Variants in SMYD2 observed in about 807,000 individuals in gnomAD.
The protein encoded by SMYD2 is N-lysine methyltransferase SMYD2.
SMYD2 carries 53 observed loss-of-function variants against 59.1 expected under a neutral mutation model. That is an observed-to-expected ratio of 0.90 (90% confidence interval 0.72 to 1.13). The LOEUF (loss-of-function observed/expected upper bound fraction) is 1.13, where lower values mean the gene tolerates loss of function less well. SMYD2 is among the 50% of genes most tolerant of loss of function. SMYD2 has a pLI of 0.00. For synonymous variants in SMYD2, 208 were observed against 198.8 expected (o/e 1.05, Z -0.39); for missense variants, 494 against 544.7 (o/e 0.91, Z 0.93).
intron 1 of SMYD2, among the ~76,000 whole-genome samples, chr1:214,296,648 T>C (rs1466756074): frequency 6.6e-6 from 1 of 152,230 alleles, no homozygotes; most frequent in Non-Finnish European, 1.5e-5. Flanking sequence ...CATTTTCTCA[T>C]TTAACTTTCA....
At position 214,281,440 on chromosome 1, in the gene SMYD2, C is replaced by T; in HGVS notation, c.173+13C>T. 1.4e-6 allele frequency: 2 copies of T among 1,383,980 alleles called. No homozygotes were observed. The highest frequency in any genetic ancestry group is 1.9e-5 in the South Asian group (1 of 53,168). 85.7% of individuals were successfully genotyped at this position (1,383,980 alleles called of 1,614,324 possible). ...ACTGCTTCACCAGGTAGGGCGGCGG[C>T]GGCGGCGGCGGCGGGCGGGAGCCGG... On this transcript the variant is annotated intron_variant, in intron 1 of 11. Transcript: ENST00000366957.
At chr1:214,319,933 C>A (rs1297086894) in intron 5 of SMYD2, among the ~76,000 whole-genome samples, 1 of 152,208 alleles carries the variant, frequency 6.6e-6, no homozygotes, top group Non-Finnish European at 1.5e-5. Flanking sequence ...GTACCCTTTG[C>A]CCAGTAACTC....
At chr1:214,316,367 G>C (rs918464002) in intron 3 of SMYD2, among the ~76,000 whole-genome samples, 17 of 152,108 alleles carry the variant, frequency 1.1e-4, no homozygotes, top group African/African-American at 3.9e-4. Flanking sequence ...TGTGGTCCCA[G>C]CTATTCTGGA....
At chr1:214,335,790 G>A (rs185276631) in intron 11 of SMYD2, among the ~76,000 whole-genome samples, 1 of 152,236 alleles carries the variant, frequency 6.6e-6, no homozygotes, top group African/African-American at 2.4e-5. Flanking sequence ...ACACAGCTAG[G>A]AAATGATTAA....
chr1:214,315,661 G>T (rs761754479), intron 3 of SMYD2, among the ~76,000 whole-genome samples: 1 of 152,166 alleles, frequency 6.6e-6, no homozygotes, highest in Non-Finnish European at 1.5e-5. Flanking sequence ...TGTCTTGGGC[G>T]GCAGCAAGAC....
intron 2 of SMYD2, among the ~76,000 whole-genome samples, chr1:214,310,542 A>AGGATCTCAAATTTG (rs1656983416): frequency 7.9e-6 from 1 of 126,188 alleles, no homozygotes; most frequent in Admixed American, 8.6e-5. Flanking sequence ...ATCCTAGTTT[A>AGGATCTCAAATTTG]CAGAAAATTT....
intron 7 of SMYD2, among the ~76,000 whole-genome samples, chr1:214,328,599 T>G (rs1657299179): frequency 6.6e-6 from 1 of 152,228 alleles, no homozygotes; most frequent in African/African-American, 2.4e-5. Context: ...AATTTCAGTT[T>G]AGCAATTTGT....
intron 1 of SMYD2, among the ~76,000 whole-genome samples, chr1:214,288,938 C>CGTT (rs1553253931): frequency 7.3e-6 from 1 of 136,730 alleles, no homozygotes; most frequent in East Asian, 2.1e-4. Context: ...AGCCCATAGT[C>CGTT]TTTTTTTTTT....
At chr1:214,331,153 G>T in intron 9 of SMYD2, 83 bp downstream of exon 9, 1 of 1,583,382 alleles carries the variant, frequency 6.3e-7, no homozygotes, top group East Asian at 2.3e-5. Context: ...AGCAGGAGAA[G>T]GATGGATTTA....
chr1:214,334,077 G>A, intron 10 of SMYD2, 123 bp from the exon 11 acceptor site: 1 of 756,346 alleles, frequency 1.3e-6, no homozygotes, highest in Non-Finnish European at 2.2e-6. Context: ...GTGGGATTTG[G>A]AGAGGCCGCT....
intron 1 of SMYD2, among the ~76,000 whole-genome samples, chr1:214,288,818 G>A (rs1215049254): frequency 6.6e-6 from 1 of 152,026 alleles, no homozygotes; most frequent in Non-Finnish European, 1.5e-5. Context: ...TCCTTTTGTA[G>A]GCTTGGAATA....
At chr1:214,298,401 A>C (rs965647125) in intron 1 of SMYD2, among the ~76,000 whole-genome samples, 1 of 152,172 alleles carries the variant, frequency 6.6e-6, no homozygotes, top group Non-Finnish European at 1.5e-5. Flanking sequence ...ACAAAAATTA[A>C]CTCAAGATGG....
intron 1 of SMYD2, among the ~76,000 whole-genome samples, chr1:214,292,268 T>G (rs1175405505): frequency 6.6e-6 from 1 of 152,194 alleles, no homozygotes; most frequent in Non-Finnish European, 1.5e-5. Context: ...TGTGTTATTT[T>G]CACTCTGGTC....
intron 3 of SMYD2, among the ~76,000 whole-genome samples, chr1:214,317,264 T>C (rs2102470395): frequency 6.6e-6 from 1 of 152,346 alleles, no homozygotes. Context: ...GTGTATTAAA[T>C]GAAAGTTACC....
At chr1:214,334,359 A>AGCGCACCTCCTTC (rs1282146869) in intron 11 of SMYD2, 51 bp downstream of exon 11, 4 of 1,497,072 alleles carry the variant, frequency 2.7e-6, no homozygotes, top group African/African-American at 2.8e-5. Context: ...TGGCCTCCTT[A>AGCGCACCTCCTTC]GCGCACCTCC....
At chr1:214,324,202 GC>G (rs1571932181) in intron 5 of SMYD2, among the ~76,000 whole-genome samples, 2 of 152,226 alleles carry the variant, frequency 1.3e-5, no homozygotes, top group African/African-American at 4.8e-5. Context: ...TTCCTAAAGT[GC>G]TGAGATTACA....
intron 1 of SMYD2, among the ~76,000 whole-genome samples, chr1:214,293,527 G>A (rs116585529): frequency 0.011 from 1,704 of 152,296 alleles, 30 homozygotes; most frequent in African/African-American, 0.039. Context: ...CTCAGTAAGT[G>A]CTATTTCCCT....
chr1:214,322,327 C>A (rs560313561), intron 5 of SMYD2, among the ~76,000 whole-genome samples: 7 of 152,228 alleles, frequency 4.6e-5, no homozygotes, highest in Admixed American at 3.3e-4. Flanking sequence ...TTTACTCTTA[C>A]CTAATGTTGG....
intron 1 of SMYD2, among the ~76,000 whole-genome samples, chr1:214,303,884 T>C (rs1656867228): frequency 6.6e-6 from 1 of 152,270 alleles, no homozygotes; most frequent in Non-Finnish European, 1.5e-5. Flanking sequence ...CGCTTCGTGC[T>C]GTCGGTATCT....
Sources: allele counts gnomAD v4.1 joint callset (sites outside exome capture counted in the v4.1 genomes callset), GRCh38; gene constraint gnomAD v4.1.1; transcripts MANE v1.5; gene names NCBI Gene and HGNC (gene_info 2026-07-23, HGNC 2026-07-21).